CCSER1: variants seen among roughly 807,000 people sequenced by gnomAD.
The protein encoded by CCSER1 is serine-rich coiled-coil domain-containing protein 1.
A neutral mutation model predicts 82.0 loss-of-function variants in CCSER1; 41 were observed. The observed-to-expected ratio is 0.50, with a 90% CI of 0.39 to 0.65. CCSER1 has a LOEUF of 0.65. Among genes scored for constraint, CCSER1 ranks in the 30% least tolerant of loss-of-function variants. CCSER1 has a pLI of 0.00. For missense variants in CCSER1, 1,119 were observed against 1,064.2 expected, an observed-to-expected ratio of 1.05 and a Z score of -0.72; for synonymous variants, 414 against 383.9, an observed-to-expected ratio of 1.08 and a Z score of -0.92.
At chr4:91,293,460 A>G (rs1743910147) in intron 10 of CCSER1, among the ~76,000 whole-genome samples, 2 of 151,992 alleles carry the variant, frequency 1.3e-5, no homozygotes, top group African/African-American at 4.8e-5. Context: ...TATGCATAAA[A>G]TGTAAATTAG....
intron 10 of CCSER1, among the ~76,000 whole-genome samples, chr4:91,249,934 T>C (rs1740120822): frequency 6.9e-6 from 1 of 145,608 alleles, no homozygotes; most frequent in Non-Finnish European, 1.5e-5. Flanking sequence ...AAAGAAAAGA[T>C]TGTAGTCCTG....
intron 9 of CCSER1, among the ~76,000 whole-genome samples, chr4:91,026,964 C>A (rs537817455): frequency 1.8e-3 from 274 of 151,966 alleles, no homozygotes; most frequent in African/African-American, 6.2e-3. Flanking sequence ...GTAAAATTTT[C>A]TATTATTTTA....
intron 6 of CCSER1, among the ~76,000 whole-genome samples, chr4:90,630,559 A>G (rs1356130686): frequency 6.6e-6 from 1 of 152,100 alleles, no homozygotes; most frequent in African/African-American, 2.4e-5. Context: ...ACAATACTTA[A>G]TATATGTTTG....
At chr4:90,788,076 G>T (rs1193113690) in intron 7 of CCSER1, among the ~76,000 whole-genome samples, 1 of 152,034 alleles carries the variant, frequency 6.6e-6, no homozygotes, top group Non-Finnish European at 1.5e-5. Flanking sequence ...TATTATATTA[G>T]AAATCCTGAT....
intron 1 of CCSER1, among the ~76,000 whole-genome samples, chr4:90,261,069 A>G (rs942816762): frequency 1.3e-5 from 2 of 152,010 alleles, no homozygotes; most frequent in African/African-American, 2.4e-5. Flanking sequence ...TAAGTGGAGC[A>G]TTTAGGCCAT....
chr4:91,198,480 G>A (rs934422881), intron 10 of CCSER1, among the ~76,000 whole-genome samples: 4 of 152,124 alleles, frequency 2.6e-5, no homozygotes, highest in Non-Finnish European at 4.4e-5. Flanking sequence ...ATAAATGAGA[G>A]GGTTCTGTAG....
intron 6 of CCSER1, among the ~76,000 whole-genome samples, chr4:90,700,927 G>A (rs992626459): frequency 2.0e-5 from 3 of 152,082 alleles, no homozygotes; most frequent in Admixed American, 2.0e-4. Flanking sequence ...CTCCCATTCT[G>A]TAGGTTGCCT....
chr4:90,490,915 G>T (rs1015954776), intron 5 of CCSER1, among the ~76,000 whole-genome samples: 1 of 152,080 alleles, frequency 6.6e-6, no homozygotes, highest in Non-Finnish European at 1.5e-5. Context: ...TGCTGTTTTG[G>T]TTACTATAGC....
chr4:91,376,939 C>T (rs894947484), intron 10 of CCSER1, among the ~76,000 whole-genome samples: 1 of 135,432 alleles, frequency 7.4e-6, no homozygotes, highest in South Asian at 2.6e-4. Context: ...GTGATGTTCC[C>T]CTTCCTGTGT....
chr4:91,279,834 T>G (rs1262440041), intron 10 of CCSER1, among the ~76,000 whole-genome samples: 1 of 152,208 alleles, frequency 6.6e-6, no homozygotes, highest in Non-Finnish European at 1.5e-5. Context: ...CTTGTGCCCT[T>G]ATATTGATAT....
intron 9 of CCSER1, among the ~76,000 whole-genome samples, chr4:91,008,222 A>G (rs1738693405): frequency 6.6e-6 from 1 of 152,116 alleles, no homozygotes; most frequent in African/African-American, 2.4e-5. Flanking sequence ...CTACTTTTGG[A>G]ATTCTATTAG....
chr4:91,367,521 G>T (rs1749717893), intron 10 of CCSER1, among the ~76,000 whole-genome samples: 1 of 150,502 alleles, frequency 6.6e-6, no homozygotes, highest in South Asian at 2.1e-4. Context: ...TTTATCTCTA[G>T]GTCTTTTCTG....
intron 10 of CCSER1, among the ~76,000 whole-genome samples, chr4:91,213,164 T>C (rs185256911): frequency 6.6e-6 from 1 of 152,290 alleles, no homozygotes; most frequent in East Asian, 1.9e-4. Context: ...GTTGATTCCA[T>C]GTCTTTGAAT....
intron 10 of CCSER1, among the ~76,000 whole-genome samples, chr4:91,203,011 G>A (rs1736056321): frequency 1.3e-5 from 2 of 151,658 alleles, no homozygotes; most frequent in Admixed American, 1.3e-4. Context: ...AATGGACCTT[G>A]AATTTGATGT....
At chr4:90,479,097 ATTCT>A (rs1765518110) in intron 5 of CCSER1, among the ~76,000 whole-genome samples, 1 of 151,602 alleles carries the variant, frequency 6.6e-6, no homozygotes, top group South Asian at 2.1e-4. Flanking sequence ...CTGTGAAATC[ATTCT>A]TTTTTTTTTC....
chr4:91,048,469 A>G (rs1204713566), intron 9 of CCSER1, among the ~76,000 whole-genome samples: 1 of 152,056 alleles, frequency 6.6e-6, no homozygotes, highest in African/African-American at 2.4e-5. Context: ...TTTTGTTTAT[A>G]AAAGTGTTTC....
intron 7 of CCSER1, among the ~76,000 whole-genome samples, chr4:90,809,130 C>G (rs890070229): frequency 1.3e-5 from 2 of 149,162 alleles, no homozygotes; most frequent in African/African-American, 5.0e-5. Context: ...ACAGTCTGAG[C>G]AACAAAGTGA....
At chr4:90,922,216 G>A (rs573194128) in intron 8 of CCSER1, among the ~76,000 whole-genome samples, 2 of 151,814 alleles carry the variant, frequency 1.3e-5, no homozygotes, top group South Asian at 2.1e-4. Context: ...AATTATGTAC[G>A]TACTTTGATA....
chr4:90,320,623 G>A (rs190801610), intron 3 of CCSER1, among the ~76,000 whole-genome samples: 11 of 152,226 alleles, frequency 7.2e-5, no homozygotes, highest in Non-Finnish European at 1.3e-4. Context: ...ATGGGTAAGC[G>A]AAGATTTTTA....
Sources: allele counts gnomAD v4.1 joint callset (sites outside exome capture counted in the v4.1 genomes callset), GRCh38; gene constraint gnomAD v4.1.1; transcripts MANE v1.5; gene names NCBI Gene and HGNC (gene_info 2026-07-23, HGNC 2026-07-21).